Variants in PPP2R3A observed in about 807,000 individuals in gnomAD.
PPP2R3A encodes the protein protein phosphatase 2 regulatory subunit B''alpha.
PPP2R3A carries 80 observed loss-of-function variants against 106.9 expected under a neutral mutation model. The ratio of observed to expected loss-of-function variants is 0.75; its 90% CI spans 0.62 to 0.90. PPP2R3A has a LOEUF of 0.90. Among genes scored for constraint, PPP2R3A ranks in the 40% least tolerant of loss-of-function variants. The pLI is 0.00. For synonymous variants in PPP2R3A, 483 were observed against 468.3 expected (o/e 1.03, Z -0.41); for missense variants, 1,386 against 1,350.4 (o/e 1.03, Z -0.41).
At chr3:136,071,500 G>A (rs113881667) in intron 6 of PPP2R3A, among the ~76,000 whole-genome samples, 1,628 of 152,218 alleles carry the variant, frequency 0.011, 26 homozygotes, top group African/African-American at 0.034. Flanking sequence ...CCTGTTAACC[G>A]TGACACTCTA....
chr3:136,104,127 G>A (rs1937453298), intron 12 of PPP2R3A, among the ~76,000 whole-genome samples: 1 of 152,062 alleles, frequency 6.6e-6, no homozygotes, highest in Admixed American at 6.6e-5. Flanking sequence ...GACCTAAATA[G>A]TAGTAAGAAT....
At chr3:136,050,396 C>T (rs1352576196) in intron 5 of PPP2R3A, among the ~76,000 whole-genome samples, 1 of 152,160 alleles carries the variant, frequency 6.6e-6, no homozygotes, top group Admixed American at 6.5e-5. Flanking sequence ...TATTTTTAAC[C>T]TCAGACCTTC....
intron 11 of PPP2R3A, 24 bp from the exon 12 acceptor site, chr3:136,103,234 C>A: frequency 6.7e-7 from 1 of 1,491,794 alleles, no homozygotes; most frequent in Admixed American, 1.9e-5. Context: ...ATGAAATTTA[C>A]CAGATTTGTT....
At chr3:136,114,918 A>G (rs1179609600) in intron 13 of PPP2R3A, among the ~76,000 whole-genome samples, 1 of 152,090 alleles carries the variant, frequency 6.6e-6, no homozygotes, top group Middle Eastern at 3.2e-3. Flanking sequence ...TCCCAGCACA[A>G]CGTTTGAGAC....
intron 1 of PPP2R3A, among the ~76,000 whole-genome samples, chr3:135,980,381 G>C (rs1937525807): frequency 6.6e-6 from 1 of 151,180 alleles, no homozygotes; most frequent in African/African-American, 2.5e-5. Flanking sequence ...CAGAAGACTT[G>C]TTTGAAAAGG....
intron 1 of PPP2R3A, among the ~76,000 whole-genome samples, chr3:135,975,805 C>A (rs1937402961): frequency 6.6e-6 from 1 of 151,904 alleles, no homozygotes. Flanking sequence ...AAATTGGTCC[C>A]CAAGTTATCT....
intron 1 of PPP2R3A, among the ~76,000 whole-genome samples, chr3:135,981,868 G>C (rs1209040039): frequency 1.3e-5 from 2 of 151,776 alleles, no homozygotes; most frequent in African/African-American, 4.9e-5. Context: ...GTGGTTAGCA[G>C]ACTGAGCTAT....
At chr3:136,139,437 T>G (rs1331757262) in intron 13 of PPP2R3A, among the ~76,000 whole-genome samples, 1 of 152,058 alleles carries the variant, frequency 6.6e-6, no homozygotes, top group East Asian at 1.9e-4. Flanking sequence ...GGTTCACACC[T>G]GTACTCCCAG....
At chr3:135,981,805 C>T (rs1056109332) in intron 1 of PPP2R3A, among the ~76,000 whole-genome samples, 1 of 151,572 alleles carries the variant, frequency 6.6e-6, no homozygotes, top group African/African-American at 2.4e-5. Flanking sequence ...GAGGAAGAGG[C>T]CATTTGAAGA....
chr3:136,042,476 G>A (rs939155157), intron 4 of PPP2R3A, among the ~76,000 whole-genome samples: 11 of 152,254 alleles, frequency 7.2e-5, no homozygotes, highest in East Asian at 5.8e-4. Flanking sequence ...CACATCCTGC[G>A]CATGTACCTT....
At chr3:136,055,204 A>C in intron 5 of PPP2R3A, 1 of 749,106 alleles carries the variant, frequency 1.3e-6, no homozygotes, top group Non-Finnish European at 2.3e-6. Flanking sequence ...TGACTGTGCA[A>C]GATAAAATTA....
intron 1 of PPP2R3A, among the ~76,000 whole-genome samples, chr3:135,996,059 C>T (rs183856759): frequency 2.6e-5 from 4 of 152,086 alleles, no homozygotes; most frequent in Admixed American, 2.6e-4. Flanking sequence ...TACTAGAGTG[C>T]GTTCAATAAA....
rs539399072 is a variant in PPP2R3A, at chr3:136,108,291, A to G, written c.3329+1969A>G. ...AATCTAGGTATCTAATGGGAAGATTAATAAAATTATACTACATGTACCCAG... is the reference window on the plus strand; with the variant it reads ...AATCTAGGTATCTAATGGGAAGATTGATAAAATTATACTACATGTACCCAG... On this transcript the variant is annotated intron_variant, in intron 13 of 13. Coordinates refer to ENST00000264977, the MANE Select transcript of PPP2R3A (RefSeq NM_002718.5). Among the ~76,000 whole-genome samples the G allele has an allele frequency of 2.0e-5, 3 of 152,322 alleles. No homozygotes were observed. The East Asian group carries it at 5.8e-4, about 29-fold the overall frequency.
chr3:136,063,293 A>G lies in PPP2R3A; in HGVS notation c.2470-7185A>G, dbSNP rs145047349. Among the ~76,000 whole-genome samples the G allele has an allele frequency of 1.1e-3, 172 of 152,354 alleles. 2 individuals carry two copies. The East Asian group carries it at 0.027, about 24-fold the overall frequency. On this transcript the variant is annotated intron_variant, in intron 5 of 13. Coordinates refer to ENST00000264977, the MANE Select transcript of PPP2R3A (RefSeq NM_002718.5). ...AATTCAAGATGGATTAAAGACTTCAATGTTAGACCTAAAACCATAAAAACC... is the reference window on the plus strand; with the variant it reads ...AATTCAAGATGGATTAAAGACTTCAGTGTTAGACCTAAAACCATAAAAACC...
At chr3:136,093,669 C>T (rs1937150242) in intron 10 of PPP2R3A, among the ~76,000 whole-genome samples, 2 of 152,138 alleles carry the variant, frequency 1.3e-5, no homozygotes, top group South Asian at 2.1e-4. Context: ...CATCATTAGT[C>T]ATCAGAGAAG....
intron 13 of PPP2R3A, among the ~76,000 whole-genome samples, chr3:136,137,534 A>ATTTTTTTTTTTGTTT (rs1938670142): frequency 2.5e-5 from 1 of 40,528 alleles, no homozygotes; most frequent in Non-Finnish European, 4.7e-5. Flanking sequence ...TCTGTCAGAG[A>ATTTTTTTTTTTGTTT]TTTTTTTTTT....
At chr3:136,100,285 G>A (rs186089902) in intron 10 of PPP2R3A, among the ~76,000 whole-genome samples, 91 of 152,036 alleles carry the variant, frequency 6.0e-4, no homozygotes, top group Non-Finnish European at 1.2e-3. Context: ...CAAGACAGGA[G>A]GATCCCTTGA....
At chr3:136,128,877 C>G (rs997782374) in intron 13 of PPP2R3A, among the ~76,000 whole-genome samples, 3 of 152,164 alleles carry the variant, frequency 2.0e-5, no homozygotes. Flanking sequence ...CTCAAAACCG[C>G]TCAACTACAT....
intron 6 of PPP2R3A, among the ~76,000 whole-genome samples, chr3:136,072,058 C>G (rs1314841177): frequency 6.6e-6 from 1 of 152,082 alleles, no homozygotes; most frequent in Non-Finnish European, 1.5e-5. Flanking sequence ...TTCTTCTTAG[C>G]TCCTATCATC....
Sources: allele counts gnomAD v4.1 joint callset (sites outside exome capture counted in the v4.1 genomes callset), GRCh38; gene constraint gnomAD v4.1.1; transcripts MANE v1.5; gene names NCBI Gene and HGNC (gene_info 2026-07-23, HGNC 2026-07-21).